Variants in RBFOX1 observed in about 807,000 individuals in gnomAD.
The protein encoded by RBFOX1 is RNA binding protein fox-1 homolog 1.
In RBFOX1, 8 loss-of-function variants were observed where a neutral mutation model predicts 57.7. The observed-to-expected ratio is 0.14, with a 90% CI of 0.08 to 0.25. The LOEUF is 0.25. RBFOX1 is among the 10% of genes least tolerant of loss of function. The probability of loss-of-function intolerance (pLI) is 1.00; values close to 1 mark genes in which losing one functional copy is unlikely to be tolerated. For synonymous variants in RBFOX1, 326 were observed against 222.4 expected, an observed-to-expected ratio of 1.47 and a Z score of -4.15; for missense variants, 611 against 548.5, an observed-to-expected ratio of 1.11 and a Z score of -1.14.
intron 4 of RBFOX1, among the ~76,000 whole-genome samples, chr16:7,068,366 T>G (rs954251986): frequency 1.3e-5 from 2 of 152,106 alleles, no homozygotes; most frequent in African/African-American, 4.8e-5. Flanking sequence ...CATTTTCATA[T>G]AAAATATAGA....
At chr16:5,949,722 C>A (rs919424512) in intron 4 of RBFOX1, among the ~76,000 whole-genome samples, 3 of 152,050 alleles carry the variant, frequency 2.0e-5, no homozygotes, top group African/African-American at 7.2e-5. Flanking sequence ...AAATATGCTA[C>A]CTCAACCAGC....
chr16:7,051,730 G>T (rs7204520), intron 3 of RBFOX1, among the ~76,000 whole-genome samples: 2 of 151,418 alleles, frequency 1.3e-5, no homozygotes, highest in Non-Finnish European at 3.0e-5. Context: ...AGGGCAAGCT[G>T]GGGTTTTCAG....
intron 4 of RBFOX1, among the ~76,000 whole-genome samples, chr16:7,417,301 A>T (rs954540140): frequency 7.0e-6 from 1 of 142,814 alleles, no homozygotes; most frequent in Non-Finnish European, 1.5e-5. Context: ...TGAACCTGGG[A>T]GGTGGAGGTT....
At chr16:5,362,723 A>C (rs1297832699) in intron 1 of RBFOX1, among the ~76,000 whole-genome samples, 3 of 152,072 alleles carry the variant, frequency 2.0e-5, no homozygotes, top group Non-Finnish European at 2.9e-5. Context: ...TCAGCCCCCG[A>C]CAACCACCAT....
chr16:6,605,224 C>A (rs970511415), intron 2 of RBFOX1, among the ~76,000 whole-genome samples: 37 of 151,584 alleles, frequency 2.4e-4, no homozygotes, highest in African/African-American at 8.7e-4. Context: ...AGAGCAAGAC[C>A]CTCTCTCAAA....
At chr16:6,365,921 C>T (rs189771111) in intron 2 of RBFOX1, among the ~76,000 whole-genome samples, 1 of 152,214 alleles carries the variant, frequency 6.6e-6, no homozygotes, top group East Asian at 1.9e-4. Context: ...GCTACAGCTA[C>T]TACTTCAACT....
intron 4 of RBFOX1, among the ~76,000 whole-genome samples, chr16:7,140,735 G>A (rs142932991): frequency 7.9e-5 from 12 of 152,196 alleles, no homozygotes; most frequent in Non-Finnish European, 1.0e-4. Flanking sequence ...AGTGAGAGAC[G>A]GAGACTTGAA....
At chr16:6,978,860 C>A (rs577450941) in intron 3 of RBFOX1, among the ~76,000 whole-genome samples, 128 of 152,298 alleles carry the variant, frequency 8.4e-4, no homozygotes, top group African/African-American at 3.1e-3. Context: ...AGAGCTGCTT[C>A]ATTGCATTTT....
At chr16:7,495,212 C>G (rs142773180) in intron 4 of RBFOX1, among the ~76,000 whole-genome samples, 432 of 152,192 alleles carry the variant, frequency 2.8e-3, no homozygotes, top group Middle Eastern at 6.8e-3. Flanking sequence ...TTTATCCAGT[C>G]CACCGCTGAT....
At chr16:5,361,925 G>A (rs1057336883) in intron 1 of RBFOX1, among the ~76,000 whole-genome samples, 3 of 152,198 alleles carry the variant, frequency 2.0e-5, no homozygotes, top group Admixed American at 6.5e-5. Flanking sequence ...GAATGGTTTG[G>A]ACAGCAGGCA....
chr16:5,896,628 T>G (rs1434333386), intron 4 of RBFOX1, among the ~76,000 whole-genome samples: 1 of 152,196 alleles, frequency 6.6e-6, no homozygotes, highest in Admixed American at 6.5e-5. Flanking sequence ...CAGCCTCAGG[T>G]ATTCCTTTAT....
intron 5 of RBFOX1, among the ~76,000 whole-genome samples, chr16:7,545,635 G>A (rs562721021): frequency 8.2e-4 from 125 of 152,222 alleles, no homozygotes; most frequent in African/African-American, 2.0e-3. Flanking sequence ...GACCCAGTAC[G>A]TTTAGAATTA....
intron 2 of RBFOX1, among the ~76,000 whole-genome samples, chr16:5,479,442 G>C (rs1262265541): frequency 6.6e-6 from 1 of 152,140 alleles, no homozygotes; most frequent in African/African-American, 2.4e-5. Context: ...CTGAGCTTCA[G>C]GCAGAGTATT....
At chr16:5,364,764 C>T (rs577819385) in intron 1 of RBFOX1, among the ~76,000 whole-genome samples, 28 of 138,122 alleles carry the variant, frequency 2.0e-4, no homozygotes, top group Non-Finnish European at 3.7e-4. Context: ...ACACCTCACA[C>T]ATCCCTGTGA....
intron 2 of RBFOX1, among the ~76,000 whole-genome samples, chr16:6,472,041 C>A (rs951730402): frequency 3.9e-5 from 6 of 152,158 alleles, no homozygotes; most frequent in African/African-American, 1.4e-4. Flanking sequence ...TTCCCATCAC[C>A]CCCCATTCTT....
intron 2 of RBFOX1, among the ~76,000 whole-genome samples, chr16:6,593,046 G>C (rs1026365508): frequency 6.6e-6 from 1 of 152,192 alleles, no homozygotes; most frequent in Non-Finnish European, 1.5e-5. Context: ...ACAAAAGTTA[G>C]CTGGGTGTGG....
At chr16:5,761,596 C>G (rs1036598279) in intron 3 of RBFOX1, among the ~76,000 whole-genome samples, 13 of 152,088 alleles carry the variant, frequency 8.5e-5, no homozygotes, top group Non-Finnish European at 1.5e-4. Flanking sequence ...TTTATAAAAC[C>G]ATCAGATCTC....
In RBFOX1 at chr16:7,052,056, G is replaced by A; in HGVS notation, c.-15-1G>A. 6.2e-7 allele frequency: 1 copy of A among 1,612,282 alleles called. No homozygotes were observed. The highest frequency in any genetic ancestry group is 8.5e-7 in the Non-Finnish European group (1 of 1,179,398). ...TCCCCTTCATTTTCTTTTCTTTCTA[G>A]GTTTCAAGACAACAGATGAATTGTG... On this transcript the variant is annotated splice_acceptor_variant, in intron 3 of 15. Transcript: ENST00000550418. LOFTEE classifies it low-confidence loss of function (5UTR_SPLICE).
chr16:6,654,584 T>C lies in RBFOX1; in HGVS notation c.-63-19T>C, dbSNP rs1271575080. 9 of 1,501,068 alleles carry C rather than the reference T, an allele frequency of 6.0e-6. No individual in the cohort carries two copies. The African/African-American group carries it at 9.9e-5, about 17-fold the overall frequency. 93.0% of individuals were successfully genotyped at this position (1,501,068 alleles called of 1,614,324 possible). ...TCCTGTTCTTTCTCTCACTTTCCTT[T>C]CTTTTCTTCTCTTCTCAGGATATCA... On this transcript the variant is annotated intron_variant, in intron 2 of 15. Transcript: ENST00000550418.
Sources: gnomAD v4.1 joint callset for allele counts (sites outside exome capture counted in the v4.1 genomes callset) on GRCh38, gnomAD v4.1.1 for gene constraint, MANE v1.5 for transcripts, NCBI Gene and HGNC (gene_info 2026-07-23, HGNC 2026-07-21) for gene names.